Variants in ZNF214 observed in about 807,000 individuals in gnomAD.
ZNF214 encodes zinc finger protein 214.
In ZNF214, 43 loss-of-function variants were observed where a neutral mutation model predicts 53.9. That is an observed-to-expected ratio of 0.80 (90% CI 0.63 to 1.03). The LOEUF (loss-of-function observed/expected upper bound fraction) is 1.03, where lower values mean the gene tolerates loss of function less well. Ranked by LOEUF, ZNF214 falls within the 50% of genes least tolerant of loss-of-function variation. The pLI is 0.00. For missense variants in ZNF214, 724 were observed against 719.1 expected (o/e 1.01, Z -0.08); for synonymous variants, 217 against 229.5 (o/e 0.95, Z 0.49).
chr11:7,001,295 T>G lies in ZNF214; in HGVS notation c.388A>C (p.Asn130His), dbSNP rs756231568. Residue 130 changes from asparagine to histidine, a missense_variant, in exon 3 of 3, where the codon AAC becomes CAC. Transcript: ENST00000278314. ...GGCATAAAATTTTTATATTTTAAGTTCCTGAGACTTTTGCTTTCAAAAGTC... is the reference window on the plus strand; with the variant it reads ...GGCATAAAATTTTTATATTTTAAGTGCCTGAGACTTTTGCTTTCAAAAGTC... ...ELTFESKSLR[N>H]LKYKNFMPWQ... The G allele has an allele frequency of 3.1e-6, 5 of 1,613,292 alleles. No homozygotes were observed. Among genetic ancestry groups the G allele is most frequent in the South Asian group, 1.1e-5 (1 of 91,046 alleles).
chr11:7,019,116 T>G (rs1318272193), intron 1 of ZNF214, among the ~76,000 whole-genome samples: 1 of 152,174 alleles, frequency 6.6e-6, no homozygotes, highest in Admixed American at 6.5e-5. Flanking sequence ...TTTGTGTTCC[T>G]CTTCTGGGGA....
chr11:7,019,322 C>A (rs1301440393), intron 1 of ZNF214, among the ~76,000 whole-genome samples: 1 of 152,182 alleles, frequency 6.6e-6, no homozygotes, highest in Non-Finnish European at 1.5e-5. Context: ...GCTATGAACA[C>A]TGGCACCTTG....
chr11:7,008,265 T>G (rs970724633), intron 1 of ZNF214, among the ~76,000 whole-genome samples: 3 of 151,982 alleles, frequency 2.0e-5, no homozygotes, highest in Admixed American at 6.6e-5. Flanking sequence ...AAATCCCATC[T>G]CTACAGAAAA....
chr11:7,002,915 A>T (rs1162009060), intron 1 of ZNF214, 60 bp from the exon 2 acceptor site: 1 of 1,453,906 alleles, frequency 6.9e-7, no homozygotes, highest in Non-Finnish European at 9.0e-7. Flanking sequence ...AGCAGATAAG[A>T]TATGTGGCAA....
At chr11:7,015,810 G>T (rs577034648) in intron 1 of ZNF214, 1 of 152,020 alleles carries the variant, frequency 6.6e-6, no homozygotes, top group East Asian at 1.9e-4. Flanking sequence ...GAATAATGAG[G>T]AGAGGCTAAT....
chr11:7,013,638 G>A (rs986817686), intron 1 of ZNF214, among the ~76,000 whole-genome samples: 5 of 152,150 alleles, frequency 3.3e-5, no homozygotes, highest in African/African-American at 9.7e-5. Context: ...CAATAGCGAT[G>A]GCCCCCTGGT....
chr11:7,000,706 G>T lies in ZNF214; in HGVS notation c.977C>A (p.Thr326Lys). Residue 326 changes from threonine (T) to lysine (K), a missense_variant, in exon 3 of 3, where the codon ACA (threonine) becomes AAA (lysine). Coordinates refer to ENST00000278314, the MANE Select transcript of ZNF214 (RefSeq NM_013249.4). ...SSLHNHQRVH[T>K]EEKFYKIECD... is the part of the protein sequence containing the mutation. ...CTCAATTTTATAGAATTTCTCTTCT[G>T]TGTGGACTCTTTGATGATTGTGAAG... 7 of 1,608,438 alleles carry T rather than the reference G, an allele frequency of 4.4e-6. No individual in the cohort carries two copies. Among genetic ancestry groups the T allele is most frequent in the Non-Finnish European group, 5.1e-6 (6 of 1,178,416 alleles).
Position 6,998,668 on chromosome 11 carries a change from A to G in ZNF214, c.*1194T>C, listed in dbSNP as rs922264874. 2.6e-5 allele frequency among the ~76,000 whole-genome samples: 4 copies of G among 151,784 alleles called. No homozygotes were observed. The highest frequency in any genetic ancestry group is 2.1e-4 in the South Asian group (1 of 4,816). The stretch of plus-strand genomic sequence containing the variant: ...TTCTCTACTTGTATATTTCTACTCT[A>G]TCTTTACTGAGTTCAGATTCTCTGT... On this transcript the variant is annotated 3_prime_UTR_variant, in exon 3 of 3. Transcript: ENST00000278314.
In ZNF214 at chr11:6,999,689, T is replaced by C; in HGVS notation, c.*173A>G. The C allele has an allele frequency of 3.2e-6, 2 of 617,622 alleles. No homozygotes were observed. Among genetic ancestry groups the C allele is most frequent in the Non-Finnish European group, 5.1e-6 (2 of 393,132 alleles). 38.3% of individuals were successfully genotyped at this position (617,622 alleles called of 1,614,324 possible). ...ACACTATAATTTTAAATATATAGGG[T>C]TTTTTCTAAAGATCTCCTTTTGAAG... is the stretch of plus-strand genomic sequence containing the variant. On this transcript the variant is annotated 3_prime_UTR_variant, in exon 3 of 3. Transcript: ENST00000278314.
intron 1 of ZNF214, among the ~76,000 whole-genome samples, chr11:7,008,074 T>C (rs928335635): frequency 2.6e-5 from 4 of 152,102 alleles, no homozygotes; most frequent in Non-Finnish European, 4.4e-5. Context: ...AATCTAAATG[T>C]AATAATGACA....
chr11:7,018,494 A>ATTTTTTT (rs1589849894), intron 1 of ZNF214, among the ~76,000 whole-genome samples: 2 of 70,406 alleles, frequency 2.8e-5, no homozygotes, highest in Non-Finnish European at 2.9e-5. Context: ...CAATGTTAAG[A>ATTTTTTT]CTTTTTTTTT....
At position 6,997,370 on chromosome 11, in the gene ZNF214, T is replaced by C. The variant is rs1183458547; in HGVS notation, c.*2492A>G. Among the ~76,000 whole-genome samples the C allele has an allele frequency of 2.0e-5, 3 of 151,840 alleles. No homozygotes were observed. The highest frequency in any genetic ancestry group is 2.9e-5 in the Non-Finnish European group (2 of 67,844). On this transcript the variant is annotated 3_prime_UTR_variant, in exon 3 of 3. Coordinates refer to ENST00000278314, the MANE Select transcript of ZNF214 (RefSeq NM_013249.4). Reference sequence around the variant, plus strand: ...ACATAATTAGAAATTTTTAACCCAGTGTTTTCAACATTTTAAAATGAAGCA... The same window carrying C: ...ACATAATTAGAAATTTTTAACCCAGCGTTTTCAACATTTTAAAATGAAGCA...
At chr11:7,011,808 T>C (rs931204066) in intron 1 of ZNF214, among the ~76,000 whole-genome samples, 1 of 152,048 alleles carries the variant, frequency 6.6e-6, no homozygotes, top group African/African-American at 2.4e-5. Flanking sequence ...AACTATCAGA[T>C]ACAATAAATA....
At chr11:7,018,415 C>G (rs189634951) in intron 1 of ZNF214, among the ~76,000 whole-genome samples, 16 of 151,420 alleles carry the variant, frequency 1.1e-4, no homozygotes, top group Admixed American at 9.9e-4. Context: ...TTAAGTGCCA[C>G]TCATTCTGGC....
In ZNF214 at chr11:6,998,115, A is replaced by G. The variant is rs868850195; in HGVS notation, c.*1747T>C. Among the ~76,000 whole-genome samples, 14 of 151,924 alleles carry G rather than the reference A, an allele frequency of 9.2e-5. No individual in the cohort carries two copies. Among genetic ancestry groups the G allele is most frequent in the African/African-American group, 3.4e-4 (14 of 41,408 alleles). ...ACATATGAAAGACACTTTTGTTATA[A>G]AACTGGTGATAATAAACTTTTCAAA... On this transcript the variant is annotated 3_prime_UTR_variant, in exon 3 of 3. Transcript: ENST00000278314.
chr11:7,001,329 G>T lies in ZNF214; in HGVS notation c.354C>A (p.Asn118Lys). 1 of 1,613,132 alleles carries T rather than the reference G, an allele frequency of 6.2e-7. No individual in the cohort carries two copies. Among genetic ancestry groups the T allele is most frequent in the South Asian group, 1.1e-5 (1 of 91,044 alleles). Residue 118 changes from asparagine to lysine, a missense_variant, in exon 3 of 3, where the codon AAC becomes AAA. Coordinates refer to ENST00000278314, the MANE Select transcript of ZNF214 (RefSeq NM_013249.4). ...TTTTGCTTTCAAAAGTCAGTTCATA[G>T]TTCCCATACCCTGGTACTTGTGTGG... The part of the protein sequence containing the change: ...ILSTQVPGYG[N>K]YELTFESKSL...
chr11:7,017,864 C>T (rs1029259702), intron 1 of ZNF214, among the ~76,000 whole-genome samples: 2 of 151,914 alleles, frequency 1.3e-5, no homozygotes, highest in Non-Finnish European at 2.9e-5. Flanking sequence ...AAGTGAAAAA[C>T]GTATACAAAT....
Position 7,000,779 on chromosome 11 carries a change from G to A in ZNF214, c.904C>T (p.Pro302Ser). The part of the protein sequence containing the change: ...FHQRVHIGEV[P>S]YSCNACGKSF... ...TTACCACATGCATTACAGCTATAAG[G>A]TACCTCCCCTATGTGAACTCTCTGA... The change falls in exon 3 of 3, where the codon CCT becomes TCT. Residue 302 changes from proline to serine, a missense_variant. Physicochemically the swap from Pro to Ser is moderately conservative, Grantham distance 74. Coordinates refer to ENST00000278314, the MANE Select transcript of ZNF214 (RefSeq NM_013249.4). 1 of 1,610,616 alleles carries A rather than the reference G, an allele frequency of 6.2e-7. No homozygotes were observed. Among genetic ancestry groups the A allele is most frequent in the Non-Finnish European group, 8.5e-7 (1 of 1,179,250 alleles).
chr11:7,006,536 A>G (rs975979691), intron 1 of ZNF214, among the ~76,000 whole-genome samples: 1 of 152,064 alleles, frequency 6.6e-6, no homozygotes, highest in African/African-American at 2.4e-5. Flanking sequence ...TGACTAATAC[A>G]TCTCCTTGAT....
Sources: allele counts gnomAD v4.1 joint callset (sites outside exome capture counted in the v4.1 genomes callset), GRCh38; gene constraint gnomAD v4.1.1; transcripts MANE v1.5; gene names NCBI Gene and HGNC (gene_info 2026-07-23, HGNC 2026-07-21).